Variants in MAPRE2 observed in about 807,000 individuals in gnomAD.
MAPRE2 encodes microtubule-associated protein RP/EB family member 2.
A neutral mutation model predicts 43.2 loss-of-function variants in MAPRE2; 13 were observed. That is an observed-to-expected ratio of 0.30 (90% CI 0.20 to 0.48). The LOEUF is 0.48. MAPRE2 is among the 20% of genes least tolerant of loss of function. The pLI is 0.99. For synonymous variants in MAPRE2, 135 were observed against 148.8 expected (o/e 0.91, Z 0.68); for missense variants, 161 against 400.2 (o/e 0.40, Z 5.10).
chr18:35,124,501 G>A (rs879748469), intron 4 of MAPRE2, among the ~76,000 whole-genome samples: 2 of 152,098 alleles, frequency 1.3e-5, no homozygotes, highest in Admixed American at 1.3e-4. Flanking sequence ...AACATTGAAG[G>A]TGCCATACCA....
intron 1 of MAPRE2, among the ~76,000 whole-genome samples, chr18:35,005,215 T>G (rs1288410808): frequency 6.6e-6 from 1 of 152,186 alleles, no homozygotes; most frequent in Non-Finnish European, 1.5e-5. Context: ...AAAAAATATT[T>G]TCATAGGACT....
intron 1 of MAPRE2, among the ~76,000 whole-genome samples, chr18:34,985,564 A>AC (rs1335609705): frequency 5.1e-5 from 4 of 79,086 alleles, no homozygotes; most frequent in Non-Finnish European, 6.7e-5. Flanking sequence ...ATATATTATA[A>AC]ATATAATATA....
intron 4 of MAPRE2, among the ~76,000 whole-genome samples, chr18:35,124,755 G>C (rs1487906125): frequency 6.6e-6 from 1 of 152,168 alleles, no homozygotes; most frequent in African/African-American, 2.4e-5. Context: ...TGTCTCCCCA[G>C]CTGTTAGGCT....
chr18:35,103,918 A>G (rs1194569958), intron 4 of MAPRE2, among the ~76,000 whole-genome samples: 4 of 152,200 alleles, frequency 2.6e-5, no homozygotes, highest in Admixed American at 6.6e-5. Flanking sequence ...AAGTTGGAGA[A>G]AGGAAATTGA....
intron 1 of MAPRE2, among the ~76,000 whole-genome samples, chr18:35,050,148 T>C (rs1905862212): frequency 6.6e-6 from 1 of 152,138 alleles, no homozygotes; most frequent in South Asian, 2.1e-4. Flanking sequence ...TACCTTTTTA[T>C]GTTTTTTTTT....
intron 4 of MAPRE2, among the ~76,000 whole-genome samples, chr18:35,113,125 A>T (rs1909255460): frequency 6.6e-6 from 1 of 152,198 alleles, no homozygotes; most frequent in Non-Finnish European, 1.5e-5. Flanking sequence ...GGGGAACACA[A>T]ACATTCAGAC....
intron 5 of MAPRE2, 44 bp downstream of exon 5, chr18:35,127,131 T>A (rs1017665622): frequency 4.3e-6 from 7 of 1,610,372 alleles, no homozygotes; most frequent in Non-Finnish European, 5.9e-6. Flanking sequence ...CAGTGACGTG[T>A]GTAAGAGGTA....
At chr18:34,985,302 T>A (rs1603386172) in intron 1 of MAPRE2, among the ~76,000 whole-genome samples, 7 of 21,322 alleles carry the variant, frequency 3.3e-4, no homozygotes, top group Admixed American at 9.7e-4. Flanking sequence ...ATATTATATA[T>A]TGTATATATT....
At chr18:35,000,204 C>T (rs1384071163) in intron 1 of MAPRE2, among the ~76,000 whole-genome samples, 1 of 152,112 alleles carries the variant, frequency 6.6e-6, no homozygotes, top group Non-Finnish European at 1.5e-5. Flanking sequence ...TAGATGAAAA[C>T]TTGGGCTCAG....
chr18:34,980,023 C>CTTTTTTTTT (rs1450524683), intron 1 of MAPRE2, among the ~76,000 whole-genome samples: 38 of 132,492 alleles, frequency 2.9e-4, no homozygotes, highest in African/African-American at 1.1e-3. Context: ...TTTTCTTTTT[C>CTTTTTTTTT]TTTTTTTCTT....
At chr18:35,063,964 C>G (rs1906688842) in intron 1 of MAPRE2, among the ~76,000 whole-genome samples, 1 of 137,568 alleles carries the variant, frequency 7.3e-6, no homozygotes, top group African/African-American at 2.7e-5. Flanking sequence ...CACCACTGCA[C>G]TCCAGCCTGG....
chr18:35,004,370 G>A (rs1363532114), intron 1 of MAPRE2, among the ~76,000 whole-genome samples: 1 of 152,160 alleles, frequency 6.6e-6, no homozygotes, highest in African/African-American at 2.4e-5. Context: ...GAGCAATGTA[G>A]GGCTTAGGTG....
rs575347953 is a variant in MAPRE2 at position 35,064,000 on chromosome 18, TAAAAAAAAAAAAAAAAAA to T, written c.123-6179_123-6162del. 1.8e-4 allele frequency among the ~76,000 whole-genome samples: 6 copies of T among 33,970 alleles called. No homozygotes were observed. In the East Asian group the frequency reaches 4.2e-3, roughly 24 times the overall value. 22.3% of individuals were successfully genotyped at this position (33,970 alleles called of 152,430 possible). A position where few individuals can be genotyped will look rare whatever the true frequency, so the allele number is the denominator to read the frequency against. On this transcript the variant is annotated intron_variant, in intron 1 of 6. Coordinates refer to ENST00000300249, the MANE Select transcript of MAPRE2 (RefSeq NM_014268.4). Reference sequence around the variant, plus strand: ...ACTGCCGAGTGAGACCCTGTCTCTTTAAAAAAAAAAAAAAAAAAAAAAAAAAAAAAAAATCTGGCCAAC... The same window carrying T: ...ACTGCCGAGTGAGACCCTGTCTCTTTAAAAAAAAAAAAAAATCTGGCCAAC...
chr18:35,107,170 C>T (rs1336798483), intron 4 of MAPRE2, among the ~76,000 whole-genome samples: 4 of 152,090 alleles, frequency 2.6e-5, no homozygotes, highest in Non-Finnish European at 5.9e-5. Context: ...TTAGGGACTT[C>T]AGTGTTTTAG....
At chr18:35,088,292 G>A (rs1408673433) in intron 2 of MAPRE2, among the ~76,000 whole-genome samples, 2 of 152,200 alleles carry the variant, frequency 1.3e-5, no homozygotes, top group Non-Finnish European at 2.9e-5. Context: ...TGTCAAGAAG[G>A]TCACCATGTG....
intron 1 of MAPRE2, among the ~76,000 whole-genome samples, chr18:35,047,732 A>AAC (rs1905707354): frequency 6.6e-6 from 1 of 151,496 alleles, no homozygotes; most frequent in Admixed American, 6.6e-5. Flanking sequence ...AAAAAAAAAA[A>AAC]CACTGTGTTT....
Position 35,081,487 on chromosome 18 carries a change from C to T in MAPRE2, c.250+11165C>T, listed in dbSNP as rs549343208. Among the ~76,000 whole-genome samples the T allele has an allele frequency of 5.3e-5, 8 of 152,326 alleles. 1 individual carries two copies. The South Asian group carries it at 1.4e-3, about 28-fold the overall frequency. Reference sequence around the variant, plus strand: ...TTGCTGGAGGCTTCCTTTGGTGCCACACCTGGCCTTCTGGGCTTTCTCTGG... The same window carrying T: ...TTGCTGGAGGCTTCCTTTGGTGCCATACCTGGCCTTCTGGGCTTTCTCTGG... On this transcript the variant is annotated intron_variant, in intron 2 of 6. Transcript: ENST00000300249.
At chr18:35,087,621 A>G (rs9635923) in intron 2 of MAPRE2, among the ~76,000 whole-genome samples, 2 of 152,180 alleles carry the variant, frequency 1.3e-5, no homozygotes, top group Admixed American at 6.6e-5. Flanking sequence ...TTGTGGTTCA[A>G]CTGCTATGCA....
intron 2 of MAPRE2, among the ~76,000 whole-genome samples, chr18:35,088,342 G>A (rs1405138246): frequency 6.6e-6 from 1 of 152,198 alleles, no homozygotes; most frequent in Admixed American, 6.5e-5. Flanking sequence ...TAATTCAGGA[G>A]CAAATCTGAA....
Sources: gnomAD v4.1 joint callset for allele counts (sites outside exome capture counted in the v4.1 genomes callset) on GRCh38, gnomAD v4.1.1 for gene constraint, MANE v1.5 for transcripts, NCBI Gene and HGNC (gene_info 2026-07-23, HGNC 2026-07-21) for gene names.